The following FUT8 variants were observed in gnomAD, a reference collection of about 807,000 sequenced individuals.
FUT8 encodes the protein fucosyltransferase 8.
A neutral mutation model predicts 71.3 loss-of-function variants in FUT8; 29 were observed. The ratio of observed to expected loss-of-function variants is 0.41; its 90% CI spans 0.30 to 0.55. The LOEUF is 0.55. FUT8 is among the 20% of genes least tolerant of loss of function. The pLI, the probability that FUT8 is intolerant of heterozygous loss-of-function variation, is 0.34. For synonymous variants in FUT8, 254 were observed against 239.3 expected (o/e 1.06, Z -0.57); for missense variants, 544 against 702.1 (o/e 0.77, Z 2.55).
intron 7 of FUT8, among the ~76,000 whole-genome samples, chr14:65,705,384 A>T (rs186098019): frequency 6.6e-6 from 1 of 152,178 alleles, no homozygotes; most frequent in Non-Finnish European, 1.5e-5. Flanking sequence ...TTGAAATCCC[A>T]AAGAATAGAC....
chr14:65,732,525 A>C (rs1323786808), intron 9 of FUT8, among the ~76,000 whole-genome samples: 1 of 152,226 alleles, frequency 6.6e-6, no homozygotes, highest in Non-Finnish European at 1.5e-5. Context: ...ATTATATTCC[A>C]GATTCTTTTC....
At chr14:65,739,656 CCT>C (rs1382857443) in intron 10 of FUT8, among the ~76,000 whole-genome samples, 4 of 151,856 alleles carry the variant, frequency 2.6e-5, no homozygotes, top group Admixed American at 6.6e-5. Flanking sequence ...GTGAAGACAC[CCT>C]GAAAAGAAGA....
chr14:65,577,037 A>G (rs1886826638), intron 3 of FUT8, among the ~76,000 whole-genome samples: 1 of 150,878 alleles, frequency 6.6e-6, no homozygotes, highest in Non-Finnish European at 1.5e-5. Flanking sequence ...TTTTGTAGAG[A>G]TGGGGTCTCC....
intron 2 of FUT8, among the ~76,000 whole-genome samples, chr14:65,543,817 C>T (rs141079419): frequency 6.6e-6 from 1 of 152,008 alleles, no homozygotes; most frequent in African/African-American, 2.4e-5. Context: ...AGACAGATTC[C>T]CAGTTGTTCT....
At chr14:65,634,426 C>G (rs528236246) in intron 6 of FUT8, among the ~76,000 whole-genome samples, 1 of 152,064 alleles carries the variant, frequency 6.6e-6, no homozygotes, top group African/African-American at 2.4e-5. Context: ...ACAAACACTG[C>G]GGAAGGCTGC....
the FUT8 span, among the ~76,000 whole-genome samples, chr14:65,392,291 C>T: frequency 1.3e-5 from 2 of 152,234 alleles, no homozygotes; most frequent in African/African-American, 4.8e-5. Context: ...AGAAGGACTT[C>T]TAGACATAAC....
chr14:65,554,955 G>A (rs1885508963), intron 2 of FUT8, among the ~76,000 whole-genome samples: 1 of 152,098 alleles, frequency 6.6e-6, no homozygotes, highest in African/African-American at 2.4e-5. Flanking sequence ...GGATTACACT[G>A]ATCCTTTTGT....
At chr14:65,513,622 C>T (rs1882506845) in intron 2 of FUT8, among the ~76,000 whole-genome samples, 1 of 145,752 alleles carries the variant, frequency 6.9e-6, no homozygotes, top group Non-Finnish European at 1.5e-5. Context: ...GTTCCCTTCT[C>T]TGTAGAATAT....
At chr14:65,644,617 TC>T (rs1318385393) in intron 6 of FUT8, among the ~76,000 whole-genome samples, 8 of 152,272 alleles carry the variant, frequency 5.3e-5, no homozygotes, top group African/African-American at 1.7e-4. Context: ...TGCCTCGGCC[TC>T]CCAAAGTGCT....
Position 65,595,602 on chromosome 14 carries a change from CTTTT to C in FUT8, c.204-20355_204-20352del, listed in dbSNP as rs34129010. 6.0e-3 allele frequency among the ~76,000 whole-genome samples: 490 copies of C among 81,762 alleles called. 11 individuals carry two copies. The East Asian group carries it at 0.11, about 19-fold the overall frequency. 53.6% of individuals were successfully genotyped at this position (81,762 alleles called of 152,430 possible). Reference sequence around the variant, plus strand: ...GACGATTTATCTTCTACACCATTCTCTTTTTTTTTTTTTTTTTTTTTTTTGAGAC... The same window carrying C: ...GACGATTTATCTTCTACACCATTCTCTTTTTTTTTTTTTTTTTTTTGAGAC... On this transcript the variant is annotated intron_variant, in intron 3 of 10. Transcript: ENST00000673929.
At chr14:65,432,269 CT>C (rs1393509395) in intron 1 of FUT8, among the ~76,000 whole-genome samples, 1 of 152,118 alleles carries the variant, frequency 6.6e-6, no homozygotes, top group Non-Finnish European at 1.5e-5. Context: ...CAGGTGACCC[CT>C]ATACTGTAAG....
upstream of FUT8, among the ~76,000 whole-genome samples, chr14:65,407,207 T>G (rs1312696154): frequency 6.6e-6 from 1 of 152,202 alleles, no homozygotes; most frequent in Non-Finnish European, 1.5e-5. Flanking sequence ...ATATACTGGC[T>G]CAATACTTCT....
intron 2 of FUT8, among the ~76,000 whole-genome samples, chr14:65,504,457 G>A (rs74619472): frequency 0.021 from 3,226 of 152,202 alleles, 50 homozygotes; most frequent in Non-Finnish European, 0.03. Flanking sequence ...AATAATTTTA[G>A]TGACCCAGAT....
intron 2 of FUT8, chr14:65,488,458 T>C (rs1207497492): frequency 6.6e-6 from 1 of 152,208 alleles, no homozygotes; most frequent in Admixed American, 6.5e-5. Context: ...TATTCTCTTC[T>C]ACCTTTTTAA....
intron 7 of FUT8, among the ~76,000 whole-genome samples, chr14:65,685,997 G>A (rs771914099): frequency 1.4e-4 from 21 of 152,164 alleles, no homozygotes; most frequent in Non-Finnish European, 1.9e-4. Flanking sequence ...GACCTCCTGG[G>A]AATGCAGCCC....
At chr14:65,688,310 T>C (rs1893401174) in intron 7 of FUT8, among the ~76,000 whole-genome samples, 1 of 152,114 alleles carries the variant, frequency 6.6e-6, no homozygotes, top group Admixed American at 6.5e-5. Flanking sequence ...ACAATTTTGC[T>C]TTTTCCAGAT....
intron 9 of FUT8, among the ~76,000 whole-genome samples, chr14:65,724,940 A>G (rs1024592615): frequency 1.3e-5 from 2 of 152,050 alleles, no homozygotes; most frequent in African/African-American, 2.4e-5. Context: ...TCCAAACACC[A>G]TCACATTGGG....
chr14:65,571,815 G>A (rs532869860), intron 3 of FUT8, among the ~76,000 whole-genome samples: 17 of 152,116 alleles, frequency 1.1e-4, no homozygotes, highest in African/African-American at 3.9e-4. Context: ...GGCAACAAAA[G>A]TATTATATCA....
At chr14:65,558,839 T>C (rs1885745156) in intron 2 of FUT8, among the ~76,000 whole-genome samples, 1 of 151,964 alleles carries the variant, frequency 6.6e-6, no homozygotes, top group African/African-American at 2.4e-5. Flanking sequence ...AAAAAAATCA[T>C]GGGAAACATT....
Sources: allele counts gnomAD v4.1 joint callset (sites outside exome capture counted in the v4.1 genomes callset), GRCh38; gene constraint gnomAD v4.1.1; transcripts MANE v1.5; gene names NCBI Gene and HGNC (gene_info 2026-07-23, HGNC 2026-07-21).